The following BBOF1 variants were observed in gnomAD, a reference collection of about 807,000 sequenced individuals.
BBOF1 encodes the protein basal body-orientation factor 1.
BBOF1 carries 62 observed loss-of-function variants against 68.0 expected under a neutral mutation model. The ratio of observed to expected loss-of-function variants is 0.91; its 90% confidence interval spans 0.74 to 1.13. The LOEUF (loss-of-function observed/expected upper bound fraction) is 1.13, where lower values mean the gene tolerates loss of function less well. Among genes scored for constraint, BBOF1 ranks in the 50% most tolerant of loss-of-function variants. The pLI, the probability that BBOF1 is intolerant of heterozygous loss-of-function variation, is 0.00. For synonymous variants in BBOF1, 208 were observed against 198.8 expected (o/e 1.05, Z -0.39); for missense variants, 534 against 600.1 (o/e 0.89, Z 1.15).
At chr14:74,025,380 C>T (rs533243734) in intron 2 of BBOF1, among the ~76,000 whole-genome samples, 60 of 152,242 alleles carry the variant, frequency 3.9e-4, no homozygotes, top group Non-Finnish European at 7.5e-4. Flanking sequence ...ACAAAGTAGA[C>T]TAAATATATC....
intron 9 of BBOF1, among the ~76,000 whole-genome samples, chr14:74,074,704 G>A: frequency 6.6e-6 from 1 of 152,138 alleles, no homozygotes; most frequent in East Asian, 1.9e-4. Context: ...CAGATGATCT[G>A]TAAAAACCAC....
At chr14:74,067,482 C>G, downstream of BBOF1, 1 of 1,614,222 alleles carries the variant, frequency 6.2e-7, no homozygotes, top group Non-Finnish European at 8.5e-7. Flanking sequence ...CAGCGCTGAC[C>G]AGCAGCTCCA....
At chr14:74,022,282 T>C (rs1235288211) in intron 1 of BBOF1, among the ~76,000 whole-genome samples, 1 of 152,194 alleles carries the variant, frequency 6.6e-6, no homozygotes, top group South Asian at 2.1e-4. Flanking sequence ...GCGCAGTGGC[T>C]CACACCTGTA....
chr14:74,051,628 T>A (rs1291656477), intron 8 of BBOF1, among the ~76,000 whole-genome samples: 1 of 151,824 alleles, frequency 6.6e-6, no homozygotes, highest in African/African-American at 2.4e-5. Flanking sequence ...ACATAATGAT[T>A]AACTTTGTTT....
chr14:74,069,484 C>T (rs1038852874), downstream of BBOF1, among the ~76,000 whole-genome samples: 14 of 151,924 alleles, frequency 9.2e-5, no homozygotes, highest in Non-Finnish European at 1.9e-4. Context: ...GACACGGTGG[C>T]GCATGCCTGT....
At chr14:74,040,785 A>G (rs1273424173) in intron 5 of BBOF1, 140 bp downstream of exon 5, 4 of 562,776 alleles carry the variant, frequency 7.1e-6, no homozygotes, top group Non-Finnish European at 1.2e-5. Context: ...GCACAATACA[A>G]TGAGGGAAAA....
intron 10 of BBOF1, among the ~76,000 whole-genome samples, chr14:74,080,302 G>T (rs1045720872): frequency 6.6e-6 from 1 of 151,136 alleles, no homozygotes; most frequent in Non-Finnish European, 1.5e-5. Context: ...TACCATCATT[G>T]TCTCTCACTT....
rs1213464431 is a variant in BBOF1 at position 74,034,046 on chromosome 14, C to A, written c.370C>A (p.Gln124Lys). 6.3e-7 allele frequency: 1 copy of A among 1,597,930 alleles called. No homozygotes were observed. The highest frequency in any genetic ancestry group is 8.5e-7 in the Non-Finnish European group (1 of 1,174,064). ...KDKLEQKYTRQINELEGQFHQ... is the reference protein window; with the variant it reads ...KDKLEQKYTRKINELEGQFHQ... ...AATACAGGAACAAAAGTATACCAGG[C>A]AAATTAATGAACTAGAGGGACAGTT... is the stretch of plus-strand genomic sequence containing the variant. The change falls in exon 4 of 12, where the codon CAA becomes AAA. Residue 124 changes from glutamine (Q) to lysine (K), a missense_variant. Physicochemically the swap from Gln to Lys is moderately conservative, Grantham distance 53 (BLOSUM62 1). Transcript: ENST00000394009.
rs529700086 is a variant in BBOF1 at position 74,073,188 on chromosome 14, C to G, written n.1380-5008C>G. Among the ~76,000 whole-genome samples, 3 of 152,142 alleles carry G rather than the reference C, an allele frequency of 2.0e-5. No individual in the cohort carries two copies. The East Asian group carries it at 5.8e-4, about 29-fold the overall frequency. On this transcript the variant is annotated intron_variant and non_coding_transcript_variant, in intron 9 of 12. Coordinates refer to the BBOF1 transcript ENST00000492026. ...GTGTGATCATGACTCACTGCAGCCTCAACCCCCAGGGCTTAGGTGATTCTC... is the reference window on the plus strand; with the variant it reads ...GTGTGATCATGACTCACTGCAGCCTGAACCCCCAGGGCTTAGGTGATTCTC...
chr14:74,067,468 C>T, downstream of BBOF1: 3 of 1,614,192 alleles, frequency 1.9e-6, no homozygotes, highest in Non-Finnish European at 2.5e-6. Flanking sequence ...TTGAAAGAGC[C>T]ATGCAGCGCT....
chr14:74,052,877 G>T (rs114153321), intron 8 of BBOF1, among the ~76,000 whole-genome samples: 2,373 of 151,138 alleles, frequency 0.016, 59 homozygotes, highest in African/African-American at 0.054. Context: ...GTGTGCATCT[G>T]TAGTCCCATC....
In BBOF1 at chr14:74,046,581, C is replaced by T. The variant is rs1019460396; in HGVS notation, c.647+451C>T. ...AGAGACAGGGTTTCGCCATGTTGGC[C>T]GGGCTGATCTCGAACTCCTGACCTC... On this transcript the variant is annotated intron_variant, in intron 6 of 11. Transcript: ENST00000394009. Among the ~76,000 whole-genome samples, 10 of 152,038 alleles carry T rather than the reference C, an allele frequency of 6.6e-5. No homozygotes were observed. In the East Asian group the frequency reaches 9.6e-4, roughly 15 times the overall value.
At chr14:74,023,288 A>C in intron 2 of BBOF1, 144 bp downstream of exon 2, 1 of 506,916 alleles carries the variant, frequency 2.0e-6, no homozygotes, top group Non-Finnish European at 3.5e-6. Flanking sequence ...TGTTTGAAGC[A>C]AGACACTTTT....
chr14:74,064,926 A>G lies in BBOF1; in HGVS notation c.*227A>G, dbSNP rs1428331789. On this transcript the variant is annotated 3_prime_UTR_variant, in exon 12 of 12. Coordinates refer to ENST00000394009, the MANE Select transcript of BBOF1 (RefSeq NM_025057.3). The stretch of plus-strand genomic sequence containing the variant: ...ATGGGGACATTCACTCCCACCTAAA[A>G]CAGAACAAATCCGTGTCATATCCTA... The G allele has an allele frequency of 6.2e-6, 10 of 1,611,712 alleles. No homozygotes were observed. The highest frequency in any genetic ancestry group is 8.5e-6 in the Non-Finnish European group (10 of 1,178,124).
downstream of BBOF1, among the ~76,000 whole-genome samples, chr14:74,068,425 T>A (rs1311633652): frequency 6.7e-6 from 1 of 150,370 alleles, no homozygotes; most frequent in East Asian, 2.0e-4. Context: ...ATGAAACTCC[T>A]CAAAAGGTTC....
chr14:74,054,150 ACAGGTGTGAAC>A (rs1325255977), intron 8 of BBOF1, among the ~76,000 whole-genome samples: 2 of 152,030 alleles, frequency 1.3e-5, no homozygotes, highest in African/African-American at 2.4e-5. Flanking sequence ...TGCTAGTATT[ACAGGTGTGAAC>A]CACTGCGCGC....
At chr14:74,079,519 C>T (rs1194581165) in intron 10 of BBOF1, among the ~76,000 whole-genome samples, 1 of 151,716 alleles carries the variant, frequency 6.6e-6, no homozygotes, top group Admixed American at 6.6e-5. Context: ...CCGCAAGCTC[C>T]GCCTCCTGGG....
At chr14:74,056,847 T>C (rs2060222823) in intron 9 of BBOF1, 59 bp from the exon 10 acceptor site, 7 of 1,117,990 alleles carry the variant, frequency 6.3e-6, no homozygotes, top group Non-Finnish European at 9.2e-6. Flanking sequence ...AAAGAAAATA[T>C]GAAGGCATGA....
intron 5 of BBOF1, among the ~76,000 whole-genome samples, chr14:74,042,578 C>G (rs1213207581): frequency 6.6e-6 from 1 of 152,132 alleles, no homozygotes; most frequent in African/African-American, 2.4e-5. Flanking sequence ...TGTGTCTGTC[C>G]CTTTTATCTG....
Sources: gnomAD v4.1 joint callset for allele counts (sites outside exome capture counted in the v4.1 genomes callset) on GRCh38, gnomAD v4.1.1 for gene constraint, MANE v1.5 for transcripts, NCBI Gene and HGNC (gene_info 2026-07-23, HGNC 2026-07-21) for gene names.